Variants in TMEM117 observed in about 807,000 individuals in gnomAD.
The protein encoded by TMEM117 is transmembrane protein 117.
Under a neutral mutation model 52.4 loss-of-function variants are expected in TMEM117, and 27 were observed. The ratio of observed to expected loss-of-function variants is 0.51; its 90% CI spans 0.38 to 0.71. TMEM117 has a LOEUF of 0.71. Ranked by LOEUF, TMEM117 falls within the 30% of genes least tolerant of loss-of-function variation. The probability of loss-of-function intolerance (pLI) is 0.00; values close to 1 mark genes in which losing one functional copy is unlikely to be tolerated. For synonymous variants in TMEM117, 215 were observed against 206.3 expected (o/e 1.04, Z -0.36); for missense variants, 556 against 630.5 (o/e 0.88, Z 1.26).
At chr12:44,055,216 T>A (rs538152208) in intron 3 of TMEM117, among the ~76,000 whole-genome samples, 2 of 152,256 alleles carry the variant, frequency 1.3e-5, no homozygotes, top group East Asian at 3.9e-4. Flanking sequence ...CTTTTTCTGT[T>A]AAAGCTAAGA....
chr12:43,826,794 A>G, the TMEM117 span, among the ~76,000 whole-genome samples: 1 of 152,130 alleles, frequency 6.6e-6, no homozygotes, highest in Non-Finnish European at 1.5e-5. Flanking sequence ...TCATGCTGGA[A>G]TGCAAGCCTC....
chr12:44,343,332 T>G (rs942364043), intron 6 of TMEM117, among the ~76,000 whole-genome samples: 15 of 152,218 alleles, frequency 9.9e-5, no homozygotes, highest in African/African-American at 3.6e-4. Flanking sequence ...CCCTTTCAGT[T>G]GTTATTTCCT....
chr12:44,385,219 G>A (rs1021223636), intron 7 of TMEM117, among the ~76,000 whole-genome samples: 1 of 152,140 alleles, frequency 6.6e-6, no homozygotes, highest in Admixed American at 6.5e-5. Flanking sequence ...TGTTGGAGTA[G>A]GTGATGATAT....
At chr12:44,247,084 G>A (rs996086903) in intron 5 of TMEM117, among the ~76,000 whole-genome samples, 1 of 152,166 alleles carries the variant, frequency 6.6e-6, no homozygotes, top group Non-Finnish European at 1.5e-5. Flanking sequence ...AGTATGTCAG[G>A]CAATCTTCAG....
At chr12:44,328,861 C>A (rs1951230770) in intron 6 of TMEM117, among the ~76,000 whole-genome samples, 1 of 151,868 alleles carries the variant, frequency 6.6e-6, no homozygotes, top group Non-Finnish European at 1.5e-5. Context: ...ATCAATGATT[C>A]CTGGAATCAG....
At chr12:43,872,044 C>T (rs1447037758) in intron 2 of TMEM117, among the ~76,000 whole-genome samples, 1 of 152,156 alleles carries the variant, frequency 6.6e-6, no homozygotes, top group Non-Finnish European at 1.5e-5. Context: ...CAGGAGTGAG[C>T]CACCATGCTC....
chr12:44,260,211 A>G (rs1206591768), intron 5 of TMEM117, among the ~76,000 whole-genome samples: 4 of 152,212 alleles, frequency 2.6e-5, no homozygotes, highest in Admixed American at 6.5e-5. Context: ...GTGAGAAAGC[A>G]TGTTCTTCAG....
the TMEM117 span, chr12:43,804,303 T>C: frequency 2.2e-4 from 126 of 585,564 alleles, no homozygotes; most frequent in African/African-American, 2.0e-3. Flanking sequence ...GTTTCCCTGA[T>C]AGTCACATAA....
At chr12:44,285,297 GAT>G (rs1565673549) in intron 5 of TMEM117, among the ~76,000 whole-genome samples, 1 of 152,118 alleles carries the variant, frequency 6.6e-6, no homozygotes, top group African/African-American at 2.4e-5. Context: ...GATATACAAA[GAT>G]AAATAACACG....
chr12:44,011,836 C>T (rs1946295909), intron 3 of TMEM117, among the ~76,000 whole-genome samples: 1 of 152,104 alleles, frequency 6.6e-6, no homozygotes, highest in South Asian at 2.1e-4. Context: ...GTTTTGTTGT[C>T]TGTTCTCTGA....
chr12:44,282,180 G>A (rs932011545), intron 5 of TMEM117, among the ~76,000 whole-genome samples: 1 of 151,942 alleles, frequency 6.6e-6, no homozygotes, highest in African/African-American at 2.4e-5. Flanking sequence ...CCCTAGCCAC[G>A]TGGAACTGTA....
intron 5 of TMEM117, among the ~76,000 whole-genome samples, chr12:44,290,061 T>G (rs1313184087): frequency 6.6e-6 from 1 of 152,166 alleles, no homozygotes; most frequent in Non-Finnish European, 1.5e-5. Context: ...GGTTATTTCA[T>G]TTTTTGCTAT....
chr12:44,239,551 A>T (rs141517312), intron 5 of TMEM117, among the ~76,000 whole-genome samples: 1 of 152,276 alleles, frequency 6.6e-6, no homozygotes, highest in African/African-American at 2.4e-5. Context: ...CTCAATATTC[A>T]TTCAAAATAG....
intron 4 of TMEM117, among the ~76,000 whole-genome samples, chr12:44,194,451 C>T (rs1455453920): frequency 6.6e-6 from 1 of 152,088 alleles, no homozygotes; most frequent in East Asian, 1.9e-4. Context: ...TTTAGGACAA[C>T]TTCCTAGTGA....
In TMEM117 at chr12:44,353,772, C is replaced by T. The variant is rs181038411; in HGVS notation, c.769-22823C>T. On this transcript the variant is annotated intron_variant, in intron 6 of 7. Transcript: ENST00000266534. ...TTCTTTTGGCTTAGGATTGACTTGG[C>T]GATGTGGGCTCTTTTTTGGTTCCAT... is the stretch of plus-strand genomic sequence containing the variant. Among the ~76,000 whole-genome samples the T allele has an allele frequency of 2.0e-3, 307 of 152,184 alleles. 1 individual carries two copies. The highest frequency in any genetic ancestry group is 6.6e-3 in the African/African-American group (272 of 41,524).
chr12:44,028,020 C>G (rs1448580195), intron 3 of TMEM117, among the ~76,000 whole-genome samples: 1 of 152,050 alleles, frequency 6.6e-6, no homozygotes, highest in Non-Finnish European at 1.5e-5. Flanking sequence ...GGTGAAACCC[C>G]GTCTCTACTA....
intron 3 of TMEM117, among the ~76,000 whole-genome samples, chr12:43,967,403 A>G (rs761944972): frequency 3.3e-5 from 5 of 152,226 alleles, no homozygotes; most frequent in South Asian, 4.1e-4. Flanking sequence ...GATTACAGGC[A>G]TGAGCCACTG....
the TMEM117 span, among the ~76,000 whole-genome samples, chr12:43,815,057 C>T: frequency 2.3e-4 from 35 of 152,096 alleles, 1 homozygote; most frequent in Non-Finnish European, 4.3e-4. Context: ...GGGTTTGAAT[C>T]TTACCCTGTC....
intron 5 of TMEM117, among the ~76,000 whole-genome samples, chr12:44,237,168 A>G (rs1277926435): frequency 2.0e-5 from 3 of 151,994 alleles, no homozygotes; most frequent in Admixed American, 2.0e-4. Context: ...TCTGTTTCCT[A>G]GTTCCCCATT....
Sources: allele counts gnomAD v4.1 joint callset (sites outside exome capture counted in the v4.1 genomes callset), GRCh38; gene constraint gnomAD v4.1.1; transcripts MANE v1.5; gene names NCBI Gene and HGNC (gene_info 2026-07-23, HGNC 2026-07-21).